Variants in ITPR1 observed in about 807,000 individuals in gnomAD.
ITPR1 encodes inositol 1,4,5-trisphosphate receptor type 1, also known as inositol 1,4,5-trisphosphate-gated calcium channel ITPR1.
In ITPR1, 96 loss-of-function variants were observed where a neutral mutation model predicts 318.4. That is an observed-to-expected ratio of 0.30 (90% CI 0.26 to 0.36). The LOEUF (loss-of-function observed/expected upper bound fraction) is 0.36, where lower values mean the gene tolerates loss of function less well. Among genes scored for constraint, ITPR1 ranks in the 10% least tolerant of loss-of-function variants. The probability of loss-of-function intolerance (pLI) is 1.00; values close to 1 mark genes in which losing one functional copy is unlikely to be tolerated. For missense variants in ITPR1, 2,440 were observed against 3,460.2 expected (o/e 0.71, Z 7.40); for synonymous variants, 1,312 against 1,289.9 (o/e 1.02, Z -0.37).
intron 60 of ITPR1, chr3:4,831,319 G>A (rs2050494792): frequency 3.8e-6 from 1 of 262,504 alleles, no homozygotes; most frequent in Admixed American, 4.5e-5. Flanking sequence ...TGGTCAGCCT[G>A]CTTCCGGCTG....
intron 14 of ITPR1, 110 bp from the exon 15 acceptor site, chr3:4,661,972 A>G (rs2093844151): frequency 2.3e-6 from 2 of 871,298 alleles, no homozygotes; most frequent in South Asian, 4.2e-5. Context: ...TAACTGCAAG[A>G]TAGCTCTAGT....
chr3:4,513,522 A>G (rs2081981985), intron 2 of ITPR1, among the ~76,000 whole-genome samples: 1 of 152,232 alleles, frequency 6.6e-6, no homozygotes, highest in East Asian at 1.9e-4. Context: ...TGGTGGGTGG[A>G]CTGGCCTGTG....
At chr3:4,792,940 G>A (rs1344719260) in intron 52 of ITPR1, among the ~76,000 whole-genome samples, 1 of 152,180 alleles carries the variant, frequency 6.6e-6, no homozygotes. Flanking sequence ...GCTGGAGAGT[G>A]CGGGGTGTGT....
intron 4 of ITPR1, among the ~76,000 whole-genome samples, chr3:4,530,067 G>A (rs2083289535): frequency 1.3e-5 from 2 of 152,086 alleles, no homozygotes; most frequent in Admixed American, 6.6e-5. Context: ...AAAATTACCC[G>A]ATTTCTTAAC....
chr3:4,530,032 A>G (rs2083286785), intron 4 of ITPR1, among the ~76,000 whole-genome samples: 1 of 152,170 alleles, frequency 6.6e-6, no homozygotes, highest in Admixed American at 6.5e-5. Context: ...TTAGAAGTGG[A>G]CTGGCCTTGA....
At chr3:4,832,373 C>T (rs573027593) in intron 60 of ITPR1, among the ~76,000 whole-genome samples, 1 of 152,312 alleles carries the variant, frequency 6.6e-6, no homozygotes, top group East Asian at 1.9e-4. Flanking sequence ...CAAAGTATGA[C>T]CTTCTTTGAA....
rs1232492378 is a variant in ITPR1 at position 4,818,446 on chromosome 3, G to A, written c.8028+204G>A. ...TCAGAACCACTAGATAGGTGGTATT[G>A]GCCTGTGTTAGTGGGGGAAATGTTG... is the stretch of plus-strand genomic sequence containing the variant. On this transcript the variant is annotated intron_variant, in intron 60 of 61. Transcript: ENST00000649015. 3.9e-5 allele frequency among the ~76,000 whole-genome samples: 6 copies of A among 152,162 alleles called. No individual in the cohort carries two copies. The East Asian group carries it at 1.2e-3, about 29-fold the overall frequency.
At chr3:4,728,381 G>A (rs1300683615) in intron 42 of ITPR1, among the ~76,000 whole-genome samples, 2 of 152,316 alleles carry the variant, frequency 1.3e-5, no homozygotes, top group Non-Finnish European at 2.9e-5. Context: ...AGGTCATGGA[G>A]TTCAAAAATG....
intron 44 of ITPR1, among the ~76,000 whole-genome samples, chr3:4,759,233 G>A (rs944755403): frequency 1.3e-5 from 2 of 152,254 alleles, no homozygotes; most frequent in African/African-American, 4.8e-5. Context: ...GGACTTGCAG[G>A]GCTGGGGGAG....
chr3:4,704,657 G>C (rs533691788), intron 36 of ITPR1, among the ~76,000 whole-genome samples: 1 of 152,236 alleles, frequency 6.6e-6, no homozygotes, highest in East Asian at 1.9e-4. Context: ...TTAGCAAGTG[G>C]TTGACTTGAC....
At position 4,630,666 on chromosome 3, in the gene ITPR1, A is replaced by C. The variant is rs535676284; in HGVS notation, c.279+2788A>C. On this transcript the variant is annotated intron_variant, in intron 5 of 61. Coordinates refer to ENST00000649015, the MANE Select transcript of ITPR1 (RefSeq NM_001378452.1). ...AGTGGCGCCATCTCGGCCTACTGCA[A>C]CCTCCGCCTCCCGGGCTCAAGCGAT... Among the ~76,000 whole-genome samples, 150 of 151,116 alleles carry C rather than the reference A, an allele frequency of 9.9e-4. 2 individuals are homozygous for C. Among genetic ancestry groups the C allele is most frequent in the African/African-American group, 3.6e-3 (146 of 41,088 alleles).
At chr3:4,609,816 A>C (rs1277793700) in intron 4 of ITPR1, among the ~76,000 whole-genome samples, 1 of 152,208 alleles carries the variant, frequency 6.6e-6, no homozygotes, top group Non-Finnish European at 1.5e-5. Flanking sequence ...AGAACAGGAC[A>C]GAGCTTCCTT....
At chr3:4,725,463 C>G (rs201407634) in intron 40 of ITPR1, 83 bp from the exon 41 acceptor site, 2 of 1,153,104 alleles carry the variant, frequency 1.7e-6, no homozygotes, top group East Asian at 2.4e-5. Flanking sequence ...GTGTTTTGTC[C>G]TTGAGTGTTG....
rs1354507443 is a variant in ITPR1 at position 4,806,229 on chromosome 3, A to T, written c.7234A>T (p.Met2412Leu). ...YHLLYLVICA[M>L]GLFVHEFFYS... ...TTTGTTGTATCTGGTGATCTGTGCC[A>T]TGGGGCTCTTTGTCCATGAATTCTT... The change falls in exon 55 of 62, where the codon ATG (methionine) becomes TTG (leucine). Residue 2412 changes from methionine (M) to leucine (L), a missense_variant. By Grantham distance (15) the Met-to-Leu change is conservative. Around this residue, in one of 23 missense-constraint regions of ITPR1, gnomAD observed 126 missense variants for 150.8 expected, o/e 0.84. Coordinates refer to ENST00000649015, the MANE Select transcript of ITPR1 (RefSeq NM_001378452.1). The T allele has an allele frequency of 6.2e-7, 1 of 1,614,062 alleles. No individual in the cohort carries two copies. Among genetic ancestry groups the T allele is most frequent in the East Asian group, 2.2e-5 (1 of 44,892 alleles).
chr3:4,583,092 A>G (rs2089520507), intron 4 of ITPR1, among the ~76,000 whole-genome samples: 1 of 152,198 alleles, frequency 6.6e-6, no homozygotes, highest in Non-Finnish European at 1.5e-5. Context: ...GAAGATTTCT[A>G]AAAAATCAAG....
chr3:4,610,218 A>G (rs1052746933), intron 4 of ITPR1, among the ~76,000 whole-genome samples: 1 of 152,042 alleles, frequency 6.6e-6, no homozygotes, highest in Non-Finnish European at 1.5e-5. Context: ...TGCCTCTCCC[A>G]TCTCTACCTG....
intron 51 of ITPR1, among the ~76,000 whole-genome samples, chr3:4,786,827 T>C (rs1323038323): frequency 6.6e-6 from 1 of 152,172 alleles, no homozygotes; most frequent in Non-Finnish European, 1.5e-5. Context: ...GGCATGTTGG[T>C]TCATGTATTG....
Position 4,573,445 on chromosome 3 carries a change from C to G in ITPR1, c.163+52351C>G, listed in dbSNP as rs187386652. ...GTCTCCTGGTCTCAATCCTTGCCCC[C>G]CTACAGTCTGATCTCCATAGAACAA... On this transcript the variant is annotated intron_variant, in intron 4 of 61. Transcript: ENST00000649015. Among the ~76,000 whole-genome samples, 34 of 152,262 alleles carry G rather than the reference C, an allele frequency of 2.2e-4. 1 individual carries two copies. Among genetic ancestry groups the G allele is most frequent in the Admixed American group, 1.6e-3 (24 of 15,290 alleles).
intron 2 of ITPR1, among the ~76,000 whole-genome samples, chr3:4,496,203 A>G (rs2080551700): frequency 6.6e-6 from 1 of 152,236 alleles, no homozygotes; most frequent in Non-Finnish European, 1.5e-5. Context: ...TCGAAAGTTT[A>G]AACTGCAGTT....
Sources: allele counts gnomAD v4.1 joint callset (sites outside exome capture counted in the v4.1 genomes callset), GRCh38; gene constraint gnomAD v4.1.1; regional missense constraint gnomAD v4.1.1; transcripts MANE v1.5; gene names NCBI Gene and HGNC (gene_info 2026-07-23, HGNC 2026-07-21).